The following DGKH variants were observed in gnomAD, a reference collection of about 807,000 sequenced individuals.
DGKH encodes diacylglycerol kinase eta, also known as DAG kinase eta.
A neutral mutation model predicts 159.3 loss-of-function variants in DGKH; 90 were observed. That is an observed-to-expected ratio of 0.57 (90% CI 0.48 to 0.67). The LOEUF is 0.67. Among genes scored for constraint, DGKH ranks in the 30% least tolerant of loss-of-function variants. The pLI is 0.00. For synonymous variants in DGKH, 536 were observed against 553.8 expected, an observed-to-expected ratio of 0.97 and a Z score of 0.45; for missense variants, 1,181 against 1,506.1, an observed-to-expected ratio of 0.78 and a Z score of 3.57.
intron 14 of DGKH, 77 bp from the exon 15 acceptor site, chr13:42,188,959 A>C: frequency 6.7e-7 from 1 of 1,501,962 alleles, no homozygotes; most frequent in Non-Finnish European, 9.0e-7. Flanking sequence ...AAACATCTCT[A>C]TAAAAATTTC....
intron 1 of DGKH, among the ~76,000 whole-genome samples, chr13:42,103,427 CA>C: frequency 1.3e-5 from 2 of 152,162 alleles, no homozygotes; most frequent in African/African-American, 2.4e-5. Context: ...CTGCAGTTAA[CA>C]AAAAAACCCA....
upstream of DGKH, chr13:42,048,629 T>A: frequency 2.8e-6 from 3 of 1,076,304 alleles, no homozygotes; most frequent in Non-Finnish European, 3.5e-6. This position sits in a 1 kb window ranked among gnomAD's most constrained non-coding sequence, Gnocchi z 6.7. Context: ...GGGCGACCCT[T>A]ACCTCGCGGG....
intron 1 of DGKH, among the ~76,000 whole-genome samples, chr13:42,123,383 G>T (rs972124267): frequency 6.6e-6 from 1 of 152,190 alleles, no homozygotes; most frequent in Non-Finnish European, 1.5e-5. Context: ...TAATAGTCAT[G>T]CATGTGCAAA....
chr13:42,123,067 G>T (rs553476815), intron 1 of DGKH, among the ~76,000 whole-genome samples: 34 of 152,286 alleles, frequency 2.2e-4, no homozygotes, highest in Admixed American at 5.2e-4. Context: ...TTCACCATTT[G>T]CTACCAAAAA....
chr13:42,170,317 G>T (rs1266664065), intron 11 of DGKH, among the ~76,000 whole-genome samples: 2 of 152,352 alleles, frequency 1.3e-5, no homozygotes, highest in African/African-American at 4.8e-5. Flanking sequence ...GAAGGCCGAT[G>T]TGGGAGGATC....
chr13:42,147,371 A>G (rs572293018), intron 3 of DGKH, among the ~76,000 whole-genome samples: 13 of 152,334 alleles, frequency 8.5e-5, no homozygotes, highest in African/African-American at 2.4e-4. Context: ...TATCATTTTC[A>G]TAGTTCTTTT....
chr13:42,243,500 T>A (rs1958551359), downstream of DGKH, among the ~76,000 whole-genome samples: 2 of 152,184 alleles, frequency 1.3e-5, no homozygotes, highest in South Asian at 4.1e-4. Flanking sequence ...GTGGTAATGA[T>A]CTGTGAATAG....
At chr13:42,059,104 A>G (rs996425250) in intron 1 of DGKH, among the ~76,000 whole-genome samples, 1 of 152,110 alleles carries the variant, frequency 6.6e-6, no homozygotes, top group African/African-American at 2.4e-5. Flanking sequence ...ATAAATATAA[A>G]ATATGTTTTT....
intron 11 of DGKH, among the ~76,000 whole-genome samples, chr13:42,170,557 C>A (rs1030502394): frequency 8.5e-5 from 13 of 152,102 alleles, no homozygotes; most frequent in African/African-American, 2.9e-4. Flanking sequence ...TACACACACA[C>A]AAAAATCAAA....
rs1388403347 is a variant in DGKH, at chr13:42,219,546, G to T, written c.3334-140G>T. The stretch of plus-strand genomic sequence containing the variant: ...ATTGGGACATTTTTAGTAGTACATT[G>T]TGAACTTTTTTTGAAGAAGTTATCA... On this transcript the variant is annotated intron_variant, in intron 27 of 29. Transcript: ENST00000337343. The T allele has an allele frequency of 3.4e-6, 4 of 1,182,518 alleles. No homozygotes were observed. The East Asian group carries it at 7.6e-5, about 22-fold the overall frequency. 73.3% of individuals were successfully genotyped at this position (1,182,518 alleles called of 1,614,324 possible).
chr13:42,046,882 GACTAA>G (rs1203741377), upstream of DGKH, among the ~76,000 whole-genome samples: 1 of 152,180 alleles, frequency 6.6e-6, no homozygotes, highest in Non-Finnish European at 1.5e-5. Context: ...TAAAGGAGAA[GACTAA>G]ACTAAGTTTA....
At chr13:42,126,884 A>G (rs1955181794) in intron 1 of DGKH, among the ~76,000 whole-genome samples, 1 of 152,192 alleles carries the variant, frequency 6.6e-6, no homozygotes, top group South Asian at 2.1e-4. Flanking sequence ...ATATGTTAGA[A>G]ATAACACCTG....
intron 1 of DGKH, among the ~76,000 whole-genome samples, chr13:42,054,820 T>C (rs1881632346): frequency 6.6e-6 from 1 of 152,182 alleles, no homozygotes; most frequent in South Asian, 2.1e-4. Flanking sequence ...AATGAATACA[T>C]ACATGAAAAA....
At chr13:42,193,230 G>A (rs1379736182) in intron 16 of DGKH, among the ~76,000 whole-genome samples, 1 of 152,164 alleles carries the variant, frequency 6.6e-6, no homozygotes, top group African/African-American at 2.4e-5. Context: ...GGATTGGTTT[G>A]TCAAAGCTTA....
chr13:42,144,207 A>G (rs1264167724), intron 3 of DGKH, among the ~76,000 whole-genome samples: 1 of 152,164 alleles, frequency 6.6e-6, no homozygotes, highest in Non-Finnish European at 1.5e-5. Flanking sequence ...TTTGGTGTTA[A>G]CTACAGTTTC....
At chr13:42,085,707 A>G (rs1260731823) in intron 1 of DGKH, among the ~76,000 whole-genome samples, 2 of 152,226 alleles carry the variant, frequency 1.3e-5, no homozygotes, top group Non-Finnish European at 2.9e-5. Context: ...TGTGCTTTTT[A>G]CTTGAAGCTA....
At chr13:42,111,885 G>A (rs1050787340) in intron 1 of DGKH, among the ~76,000 whole-genome samples, 2 of 152,150 alleles carry the variant, frequency 1.3e-5, no homozygotes, top group African/African-American at 4.8e-5. Flanking sequence ...AGGGAAAAGG[G>A]CACAGGAATT....
chr13:42,088,732 A>G (rs970822961), intron 1 of DGKH, among the ~76,000 whole-genome samples: 1 of 152,166 alleles, frequency 6.6e-6, no homozygotes, highest in African/African-American at 2.4e-5. Context: ...GATGAGACCA[A>G]TATTAAACAG....
At chr13:42,073,418 T>A (rs1566087128) in intron 1 of DGKH, among the ~76,000 whole-genome samples, 1 of 152,316 alleles carries the variant, frequency 6.6e-6, no homozygotes, top group East Asian at 1.9e-4. Context: ...AAATTTACGG[T>A]GGCAAAAGCA....
Sources: allele counts gnomAD v4.1 joint callset (sites outside exome capture counted in the v4.1 genomes callset), GRCh38; gene constraint gnomAD v4.1.1; non-coding constraint Gnocchi (gnomAD v3.1); transcripts MANE v1.5; gene names NCBI Gene and HGNC (gene_info 2026-07-23, HGNC 2026-07-21).